NRG3: variants seen among roughly 807,000 people sequenced by gnomAD.
The protein encoded by NRG3 is pro-neuregulin-3, membrane-bound isoform.
NRG3 carries 31 observed loss-of-function variants against 66.9 expected under a neutral mutation model. The observed-to-expected ratio is 0.46, with a 90% CI of 0.35 to 0.63. The LOEUF is 0.63. Ranked by LOEUF, NRG3 falls within the 20% of genes least tolerant of loss-of-function variation. The pLI is 0.00. For missense variants in NRG3, 910 were observed against 878.9 expected (o/e 1.04, Z -0.45); for synonymous variants, 393 against 359.4 (o/e 1.09, Z -1.06).
chr10:82,119,319 G>C (rs1564580141), intron 1 of NRG3, among the ~76,000 whole-genome samples: 1 of 152,062 alleles, frequency 6.6e-6, no homozygotes, highest in East Asian at 1.9e-4. Context: ...CTTGAAATTT[G>C]TCTCTCTCTT....
At chr10:82,939,423 T>A (rs7089822) in intron 4 of NRG3, among the ~76,000 whole-genome samples, 1 of 151,820 alleles carries the variant, frequency 6.6e-6, no homozygotes, top group East Asian at 1.9e-4. Context: ...TTATTTCAGT[T>A]TTTCCTTTGT....
In NRG3 at chr10:81,944,192, C is replaced by T. The variant is rs1412655277; in HGVS notation, c.823+68029C>T. 2.0e-5 allele frequency among the ~76,000 whole-genome samples: 3 copies of T among 152,224 alleles called. 1 individual carries two copies. In the East Asian group the frequency reaches 5.8e-4, roughly 29 times the overall value. Reference sequence around the variant, plus strand: ...GGCAAGTAAGCAGACAAAAAGAAATCCACATGGCATGCCCAAGGGCAAGCG... The same window carrying T: ...GGCAAGTAAGCAGACAAAAAGAAATTCACATGGCATGCCCAAGGGCAAGCG... On this transcript the variant is annotated intron_variant, in intron 1 of 8. Transcript: ENST00000372141.
At position 82,543,262 on chromosome 10, in the gene NRG3, A is replaced by G. The variant is rs181882105; in HGVS notation, c.953+184394A>G. Among the ~76,000 whole-genome samples, 62 of 152,276 alleles carry G rather than the reference A, an allele frequency of 4.1e-4. 1 individual carries two copies. Among genetic ancestry groups the G allele is most frequent in the Admixed American group, 4.0e-3 (61 of 15,290 alleles). On this transcript the variant is annotated intron_variant, in intron 2 of 8. Transcript: ENST00000372141. ...AACTTAGATGTGGTCTGTGGGTTAC[A>G]TAATAGTAATATATTCATATTAATG...
intron 2 of NRG3, among the ~76,000 whole-genome samples, chr10:82,718,865 G>GAGT (rs2057128004): frequency 6.6e-6 from 1 of 152,170 alleles, no homozygotes; most frequent in Non-Finnish European, 1.5e-5. Context: ...GGAAGTTTTA[G>GAGT]AGTAGGTCAT....
intron 1 of NRG3, among the ~76,000 whole-genome samples, chr10:81,907,676 G>A (rs1035363786): frequency 6.6e-6 from 1 of 152,100 alleles, no homozygotes; most frequent in African/African-American, 2.4e-5. Flanking sequence ...GGATAACTGC[G>A]AAGATCACCT....
At chr10:82,310,545 G>T (rs982138149) in intron 1 of NRG3, among the ~76,000 whole-genome samples, 2 of 152,034 alleles carry the variant, frequency 1.3e-5, no homozygotes, top group African/African-American at 4.8e-5. Flanking sequence ...GAGCACAAAA[G>T]AATAATATCG....
chr10:82,052,918 A>G (rs1373793832), intron 1 of NRG3, among the ~76,000 whole-genome samples: 6 of 152,268 alleles, frequency 3.9e-5, no homozygotes, highest in East Asian at 3.9e-4. Flanking sequence ...ATTTGCAACT[A>G]CACAAGAAAA....
At chr10:82,753,556 A>C (rs1024750745) in intron 3 of NRG3, among the ~76,000 whole-genome samples, 1 of 145,238 alleles carries the variant, frequency 6.9e-6, no homozygotes, top group Non-Finnish European at 1.5e-5. Flanking sequence ...TCCTCTCTTC[A>C]TTTCTTTGTT....
At chr10:82,928,601 G>C (rs1307814781) in intron 4 of NRG3, among the ~76,000 whole-genome samples, 1 of 119,652 alleles carries the variant, frequency 8.4e-6, no homozygotes, top group African/African-American at 3.2e-5. Context: ...ATCTATTTCA[G>C]GGATCAGCAG....
rs73308514 is a variant in NRG3 at position 82,328,215 on chromosome 10, G to A, written c.824-30524G>A. Among the ~76,000 whole-genome samples the A allele has an allele frequency of 9.7e-4, 147 of 152,288 alleles. 1 individual carries two copies. The highest frequency in any genetic ancestry group is 3.4e-3 in the African/African-American group (142 of 41,566). On this transcript the variant is annotated intron_variant, in intron 1 of 8. Transcript: ENST00000372141. The stretch of plus-strand genomic sequence containing the variant: ...TCAGAGGTTTATGGAAAGAACATTT[G>A]CTAGAAGGAGAAGGGCCAGTATCTT...
chr10:82,054,169 G>A (rs73318335), intron 1 of NRG3, among the ~76,000 whole-genome samples: 5,677 of 152,238 alleles, frequency 0.037, 358 homozygotes, highest in African/African-American at 0.13. Flanking sequence ...TTTGATTTAT[G>A]TTTTAAAAGG....
intron 2 of NRG3, among the ~76,000 whole-genome samples, chr10:82,709,851 A>T (rs1290275896): frequency 3.3e-5 from 5 of 152,194 alleles, no homozygotes; most frequent in African/African-American, 9.6e-5. Flanking sequence ...GTAACAAAAT[A>T]ACTCACTGCT....
chr10:82,920,805 G>A (rs1425101695), intron 4 of NRG3, among the ~76,000 whole-genome samples: 1 of 152,060 alleles, frequency 6.6e-6, no homozygotes, highest in African/African-American at 2.4e-5. Flanking sequence ...AACAATTTGA[G>A]CAACAAAATA....
intron 8 of NRG3, among the ~76,000 whole-genome samples, chr10:82,983,347 T>G (rs1265968086): frequency 6.6e-6 from 1 of 152,232 alleles, no homozygotes; most frequent in Non-Finnish European, 1.5e-5. Context: ...CTCATATTTT[T>G]AGCTCATATA....
chr10:82,488,521 C>A (rs1410888817), intron 2 of NRG3, among the ~76,000 whole-genome samples: 2 of 152,144 alleles, frequency 1.3e-5, no homozygotes, highest in East Asian at 3.8e-4. Context: ...TTTTTAATTG[C>A]AAAGTATGCT....
intron 2 of NRG3, among the ~76,000 whole-genome samples, chr10:82,458,644 G>A (rs2091377749): frequency 6.6e-6 from 1 of 152,188 alleles, no homozygotes; most frequent in South Asian, 2.1e-4. Flanking sequence ...AGTGATTATA[G>A]TGTACACCTT....
At chr10:82,806,059 T>A (rs2061267496) in intron 3 of NRG3, among the ~76,000 whole-genome samples, 1 of 152,226 alleles carries the variant, frequency 6.6e-6, no homozygotes, top group Non-Finnish European at 1.5e-5. Context: ...AGATTTCTTA[T>A]GAACATTTAA....
chr10:82,413,897 G>A (rs1023383206), intron 2 of NRG3, among the ~76,000 whole-genome samples: 2 of 152,252 alleles, frequency 1.3e-5, no homozygotes, highest in Non-Finnish European at 1.5e-5. Flanking sequence ...AGAGAGTTAA[G>A]GCTTTCTTGT....
chr10:82,185,449 C>A (rs1383969677), intron 1 of NRG3, among the ~76,000 whole-genome samples: 1 of 152,080 alleles, frequency 6.6e-6, no homozygotes, highest in Non-Finnish European at 1.5e-5. Context: ...GTGTACAGAT[C>A]ATCAATGTCT....
Sources: allele counts gnomAD v4.1 joint callset (sites outside exome capture counted in the v4.1 genomes callset), GRCh38; gene constraint gnomAD v4.1.1; transcripts MANE v1.5; gene names NCBI Gene and HGNC (gene_info 2026-07-23, HGNC 2026-07-21).